Variants in TEKT5 observed in about 807,000 individuals in gnomAD.
TEKT5 encodes the protein tektin 5, also known as tektin-5.
A neutral mutation model predicts 48.7 loss-of-function variants in TEKT5; 52 were observed. The ratio of observed to expected loss-of-function variants is 1.07; its 90% CI spans 0.86 to 1.35. TEKT5 has a LOEUF of 1.35. TEKT5 is among the 40% of genes most tolerant of loss of function. The pLI is 0.00. For synonymous variants in TEKT5, 318 were observed against 267.6 expected (o/e 1.19, Z -1.84); for missense variants, 831 against 641.6 (o/e 1.30, Z -3.19).
chr16:10,690,248 C>A, intron 1 of TEKT5: 1 of 544,262 alleles, frequency 1.8e-6, no homozygotes, highest in Non-Finnish European at 3.2e-6. Flanking sequence ...GATGCAAGGC[C>A]CATGTAGAGA....
At chr16:10,654,548 G>T (rs1356335020) in intron 5 of TEKT5, among the ~76,000 whole-genome samples, 1 of 152,110 alleles carries the variant, frequency 6.6e-6, no homozygotes, top group Non-Finnish European at 1.5e-5. Flanking sequence ...ACCCACTGAG[G>T]GTCCGAACAG....
chr16:10,654,501 C>G (rs1480207170), intron 5 of TEKT5, among the ~76,000 whole-genome samples: 1 of 152,190 alleles, frequency 6.6e-6, no homozygotes, highest in Non-Finnish European at 1.5e-5. Context: ...AATTGATGAA[C>G]TCTGCGGTCA....
chr16:10,690,876 A>G (rs1898961255), intron 1 of TEKT5: 1 of 770,056 alleles, frequency 1.3e-6, no homozygotes, highest in African/African-American at 1.9e-5. Context: ...ATGCAAATGT[A>G]TGTGAGAACT....
chr16:10,688,021 TA>T (rs1302724703), intron 3 of TEKT5, among the ~76,000 whole-genome samples: 1 of 152,228 alleles, frequency 6.6e-6, no homozygotes, highest in African/African-American at 2.4e-5. Context: ...AAATGTGCAA[TA>T]AATTATTGTT....
chr16:10,694,210 G>A (rs1003684666), intron 1 of TEKT5, 100 bp downstream of exon 1: 2 of 1,274,406 alleles, frequency 1.6e-6, no homozygotes, highest in Non-Finnish European at 2.1e-6. Flanking sequence ...AAACCGACCT[G>A]CAAGGTGCCT....
intron 3 of TEKT5, 73 bp downstream of exon 3, chr16:10,689,180 T>C (rs1898919030): frequency 9.2e-6 from 12 of 1,309,686 alleles, no homozygotes; most frequent in Admixed American, 2.2e-5. Context: ...CCCATCTGGC[T>C]TGTCCCCCAG....
At chr16:10,651,644 C>T (rs1357738532) in intron 5 of TEKT5, among the ~76,000 whole-genome samples, 1 of 152,180 alleles carries the variant, frequency 6.6e-6, no homozygotes, top group Non-Finnish European at 1.5e-5. Context: ...GATAAATATA[C>T]ACCATGGAGT....
At chr16:10,634,274 C>A (rs1156490985) in intron 6 of TEKT5, among the ~76,000 whole-genome samples, 1 of 152,170 alleles carries the variant, frequency 6.6e-6, no homozygotes, top group African/African-American at 2.4e-5. Flanking sequence ...TTGCAGTTAG[C>A]CATCAGGGTG....
intron 3 of TEKT5, among the ~76,000 whole-genome samples, chr16:10,688,874 T>C (rs2142314703): frequency 6.6e-6 from 1 of 152,234 alleles, no homozygotes; most frequent in South Asian, 2.1e-4. Flanking sequence ...CTCCCAAGGT[T>C]CAGAACTCAA....
Position 10,674,507 on chromosome 16 carries a change from C to T in TEKT5, c.1086+1452G>A, listed in dbSNP as rs145890088. On this transcript the variant is annotated intron_variant, in intron 5 of 6. Coordinates refer to ENST00000283025, the MANE Select transcript of TEKT5 (RefSeq NM_144674.2). ...AAACCTAGCCAGGTGTGGTGGCACGCACACGTAGTCTCAGCTACTTGGGTC... is the reference window on the plus strand; with the variant it reads ...AAACCTAGCCAGGTGTGGTGGCACGTACACGTAGTCTCAGCTACTTGGGTC... 1.3e-3 allele frequency among the ~76,000 whole-genome samples: 192 copies of T among 150,532 alleles called. 1 individual carries two copies. The highest frequency in any genetic ancestry group is 4.6e-3 in the African/African-American group (188 of 40,928).
chr16:10,645,075 G>C (rs992867353), intron 5 of TEKT5, among the ~76,000 whole-genome samples: 1 of 152,134 alleles, frequency 6.6e-6, no homozygotes, highest in Non-Finnish European at 1.5e-5. Flanking sequence ...CCCTGACCTT[G>C]GACTTTTAGC....
At chr16:10,650,573 T>A (rs1456263353) in intron 5 of TEKT5, among the ~76,000 whole-genome samples, 3 of 151,406 alleles carry the variant, frequency 2.0e-5, no homozygotes, top group Non-Finnish European at 4.4e-5. Flanking sequence ...AGGGTCATCT[T>A]CATTAGAAGG....
intron 5 of TEKT5, among the ~76,000 whole-genome samples, chr16:10,672,727 A>G (rs992531856): frequency 6.6e-6 from 1 of 152,194 alleles, no homozygotes; most frequent in African/African-American, 2.4e-5. Context: ...AGGCAAGTAA[A>G]TCAACTAGTA....
chr16:10,691,830 C>A (rs1338713440), intron 1 of TEKT5, among the ~76,000 whole-genome samples: 1 of 151,774 alleles, frequency 6.6e-6, no homozygotes, highest in Non-Finnish European at 1.5e-5. Flanking sequence ...CGCCTGTAGT[C>A]CCAGCTACTC....
intron 5 of TEKT5, among the ~76,000 whole-genome samples, chr16:10,656,313 G>A (rs980306629): frequency 6.6e-6 from 1 of 152,162 alleles, no homozygotes; most frequent in African/African-American, 2.4e-5. Context: ...ATGCAGTGGC[G>A]TGATGTCAGC....
intron 6 of TEKT5, among the ~76,000 whole-genome samples, chr16:10,630,846 A>T (rs945114409): frequency 1.1e-4 from 16 of 151,786 alleles, no homozygotes; most frequent in African/African-American, 3.6e-4. Context: ...TGGTGGCAAA[A>T]TGCCGTCTCC....
chr16:10,669,656 C>G (rs1008565361), intron 5 of TEKT5, among the ~76,000 whole-genome samples: 2 of 152,162 alleles, frequency 1.3e-5, no homozygotes, highest in Admixed American at 6.5e-5. Flanking sequence ...TCAGAATAAG[C>G]ACTTTCTCCA....
chr16:10,694,332 T>A lies in TEKT5; in HGVS notation c.542A>T (p.Asn181Ile). 1 of 1,604,906 alleles carries A rather than the reference T, an allele frequency of 6.2e-7. No homozygotes were observed. The highest frequency in any genetic ancestry group is 1.1e-5 in the South Asian group (1 of 89,274). ...CACCTGCAATGGGCAGTTCACCTCA[T>A]TGGCCGCGCACTCCAGCCGCCTCTT... ...TVKRRLECAA[N>I]EVNCPLQVAL... The change falls in exon 1 of 7, where the codon AAT becomes ATT. Residue 181 changes from asparagine (N) to isoleucine (I), a missense_variant. Coordinates refer to ENST00000283025, the MANE Select transcript of TEKT5 (RefSeq NM_144674.2).
chr16:10,666,674 C>A (rs568927730), intron 5 of TEKT5, among the ~76,000 whole-genome samples: 2 of 152,234 alleles, frequency 1.3e-5, no homozygotes, highest in African/African-American at 4.8e-5. Context: ...CCATTGATTA[C>A]TGAGTGTCTG....
Sources: allele counts gnomAD v4.1 joint callset (sites outside exome capture counted in the v4.1 genomes callset), GRCh38; gene constraint gnomAD v4.1.1; transcripts MANE v1.5; gene names NCBI Gene and HGNC (gene_info 2026-07-23, HGNC 2026-07-21).